The following MGAT4C variants were observed in gnomAD, a reference collection of about 807,000 sequenced individuals.
MGAT4C encodes the protein alpha-1,3-mannosyl-glycoprotein 4-beta-N-acetylglucosaminyltransferase C.
Under a neutral mutation model 40.1 loss-of-function variants are expected in MGAT4C, and 19 were observed. The observed-to-expected ratio is 0.47, with a 90% CI of 0.33 to 0.70. The LOEUF (loss-of-function observed/expected upper bound fraction) is 0.70, where lower values mean the gene tolerates loss of function less well. MGAT4C is among the 30% of genes least tolerant of loss of function. MGAT4C has a pLI of 0.02. For synonymous variants in MGAT4C, 181 were observed against 187.1 expected (o/e 0.97, Z 0.27); for missense variants, 491 against 563.2 (o/e 0.87, Z 1.30).
At chr12:86,201,969 A>C (rs1269600979) in intron 1 of MGAT4C, among the ~76,000 whole-genome samples, 1 of 151,840 alleles carries the variant, frequency 6.6e-6, no homozygotes, top group Non-Finnish European at 1.5e-5. Flanking sequence ...GTTACATACA[A>C]TTGTTCTTTT....
chr12:86,271,210 A>G (rs1952936803), intron 4 of MGAT4C, among the ~76,000 whole-genome samples: 1 of 152,224 alleles, frequency 6.6e-6, no homozygotes, highest in African/African-American at 2.4e-5. Flanking sequence ...AGGAAACAAC[A>G]CAGTGAGGAG....
At chr12:86,010,374 T>C (rs1169336183) in intron 2 of MGAT4C, among the ~76,000 whole-genome samples, 2 of 152,160 alleles carry the variant, frequency 1.3e-5, no homozygotes, top group Admixed American at 6.5e-5. Context: ...GTTTGAATGT[T>C]TGTCTTTTTT....
intron 1 of MGAT4C, among the ~76,000 whole-genome samples, chr12:86,213,939 A>C (rs988719221): frequency 6.6e-6 from 1 of 152,368 alleles, no homozygotes; most frequent in African/African-American, 2.4e-5. Flanking sequence ...TTGTATGCCC[A>C]TAAGACTTAT....
intron 2 of MGAT4C, among the ~76,000 whole-genome samples, chr12:86,574,919 A>T (rs568020343): frequency 6.6e-6 from 1 of 151,944 alleles, no homozygotes; most frequent in African/African-American, 2.4e-5. Flanking sequence ...AAGTTGATAC[A>T]GTGAGTATCT....
chr12:86,084,197 C>G (rs1354721351), intron 1 of MGAT4C, among the ~76,000 whole-genome samples: 1 of 152,020 alleles, frequency 6.6e-6, no homozygotes, highest in African/African-American at 2.4e-5. Context: ...ACTCTAATGT[C>G]AGGTAGTGGT....
intron 1 of MGAT4C, among the ~76,000 whole-genome samples, chr12:86,135,573 A>G (rs558824081): frequency 6.6e-6 from 1 of 152,268 alleles, no homozygotes; most frequent in Non-Finnish European, 1.5e-5. Context: ...TGGGAAGATA[A>G]AAGGATAGTT....
chr12:86,325,851 T>C (rs988139971), intron 4 of MGAT4C, among the ~76,000 whole-genome samples: 2 of 151,212 alleles, frequency 1.3e-5, no homozygotes, highest in African/African-American at 2.4e-5. Flanking sequence ...CACTCTTGCC[T>C]GGGCAACAGA....
At chr12:86,519,039 T>C (rs1958745984) in intron 2 of MGAT4C, among the ~76,000 whole-genome samples, 1 of 152,174 alleles carries the variant, frequency 6.6e-6, no homozygotes, top group Admixed American at 6.5e-5. Flanking sequence ...GTCCTAAGTC[T>C]GAATGGAAGG....
rs943943385 is a variant in MGAT4C, at chr12:86,034,823, T to G, written c.-7+14851A>C. Among the ~76,000 whole-genome samples the G allele has an allele frequency of 2.0e-5, 3 of 149,986 alleles. 1 individual carries two copies. The highest frequency in any genetic ancestry group is 2.1e-4 in the South Asian group (1 of 4,752). On this transcript the variant is annotated intron_variant, in intron 2 of 4. Coordinates refer to ENST00000611864, the MANE Select transcript of MGAT4C (RefSeq NM_001351288.2). ...CAACTCCCACTTATGTGTGAGAACATGCAGTGTATGGTTTTCTGTTTTTGT... is the reference window on the plus strand; with the variant it reads ...CAACTCCCACTTATGTGTGAGAACAGGCAGTGTATGGTTTTCTGTTTTTGT...
chr12:86,199,148 T>C (rs1949936727), intron 1 of MGAT4C, among the ~76,000 whole-genome samples: 1 of 152,188 alleles, frequency 6.6e-6, no homozygotes, highest in Non-Finnish European at 1.5e-5. Flanking sequence ...GCTGCATCCC[T>C]AGATTTTTCT....
chr12:86,620,030 C>G (rs56122335), intron 2 of MGAT4C, among the ~76,000 whole-genome samples: 2 of 152,140 alleles, frequency 1.3e-5, no homozygotes, highest in Non-Finnish European at 2.9e-5. Flanking sequence ...TAATCATACA[C>G]AAGTCAGAAT....
chr12:86,451,374 A>G (rs1162593408), intron 2 of MGAT4C, among the ~76,000 whole-genome samples: 1 of 152,182 alleles, frequency 6.6e-6, no homozygotes, highest in Non-Finnish European at 1.5e-5. Context: ...TCATGTGCCA[A>G]CTAAACATCT....
intron 1 of MGAT4C, among the ~76,000 whole-genome samples, chr12:86,762,389 C>T (rs1951423283): frequency 6.6e-6 from 1 of 152,040 alleles, no homozygotes; most frequent in East Asian, 1.9e-4. Flanking sequence ...GGGTCCTTTT[C>T]CAAACTCATT....
intron 3 of MGAT4C, among the ~76,000 whole-genome samples, chr12:86,350,255 C>G (rs1465514134): frequency 1.3e-5 from 2 of 152,106 alleles, no homozygotes; most frequent in Non-Finnish European, 2.9e-5. Flanking sequence ...GTCACCCTCT[C>G]TTGCTGCCTG....
In MGAT4C at chr12:86,336,041, G is replaced by A. The variant is rs567183105; in HGVS notation, c.-119-1914C>T. On this transcript the variant is annotated intron_variant, in intron 3 of 7. Coordinates refer to the MGAT4C transcript ENST00000548651. Reference sequence around the variant, plus strand: ...ATAAATTCTTCTTACCAACCCTTGCGTCAACCACTTTCCAATGCCTGTACT... The same window carrying A: ...ATAAATTCTTCTTACCAACCCTTGCATCAACCACTTTCCAATGCCTGTACT... Among the ~76,000 whole-genome samples the A allele has an allele frequency of 2.6e-5, 4 of 152,068 alleles. No individual in the cohort carries two copies. In the East Asian group the frequency reaches 5.8e-4, roughly 22 times the overall value.
intron 3 of MGAT4C, among the ~76,000 whole-genome samples, chr12:86,401,537 CAAATTAG>C (rs1458572119): frequency 1.3e-5 from 2 of 151,920 alleles, no homozygotes; most frequent in Admixed American, 1.3e-4. Context: ...AAAATTTTGT[CAAATTAG>C]ACAAAAAAGA....
At chr12:86,159,687 A>G (rs1885379701) in intron 1 of MGAT4C, among the ~76,000 whole-genome samples, 1 of 151,966 alleles carries the variant, frequency 6.6e-6, no homozygotes, top group African/African-American at 2.4e-5. Flanking sequence ...CAGGTTCTTT[A>G]TTACTGATTC....
At chr12:86,504,072 A>G (rs1212678980) in intron 2 of MGAT4C, among the ~76,000 whole-genome samples, 1 of 147,638 alleles carries the variant, frequency 6.8e-6, no homozygotes, top group African/African-American at 2.5e-5. Context: ...CTAAGAAAAA[A>G]TGCTCAAATT....
chr12:86,566,962 C>A (rs569948706), intron 2 of MGAT4C, among the ~76,000 whole-genome samples: 1 of 151,950 alleles, frequency 6.6e-6, no homozygotes, highest in Non-Finnish European at 1.5e-5. Context: ...AGTGGGCTCA[C>A]GCTCATGGAA....
Sources: gnomAD v4.1 joint callset for allele counts (sites outside exome capture counted in the v4.1 genomes callset) on GRCh38, gnomAD v4.1.1 for gene constraint, MANE v1.5 for transcripts, NCBI Gene and HGNC (gene_info 2026-07-23, HGNC 2026-07-21) for gene names.